The following CACNA1I variants were observed in gnomAD, a reference collection of about 807,000 sequenced individuals.
CACNA1I encodes the protein calcium voltage-gated channel subunit alpha1 I.
A neutral mutation model predicts 201.6 loss-of-function variants in CACNA1I; 74 were observed. That is an observed-to-expected ratio of 0.37 (90% CI 0.30 to 0.45). CACNA1I has a LOEUF of 0.45. Ranked by LOEUF, CACNA1I falls within the 20% of genes least tolerant of loss-of-function variation. The pLI, the probability that CACNA1I is intolerant of heterozygous loss-of-function variation, is 1.00. For synonymous variants in CACNA1I, 1,431 were observed against 1,345.2 expected, an observed-to-expected ratio of 1.06 and a Z score of -1.40; for missense variants, 2,346 against 3,138.1, an observed-to-expected ratio of 0.75 and a Z score of 6.03.
In CACNA1I at chr22:39,677,479, G is replaced by T; in HGVS notation, c.4933+60G>T. ...TGCAGCAGGGCTGCAGGAGGAACTGGGGGGGCGGGGGAGGCCTGAGACCCC... is the reference window on the plus strand; with the variant it reads ...TGCAGCAGGGCTGCAGGAGGAACTGTGGGGGCGGGGGAGGCCTGAGACCCC... On this transcript the variant is annotated intron_variant, in intron 30 of 36. Transcript: ENST00000402142. This position sits in a 1 kb window ranked among gnomAD's most constrained non-coding sequence, Gnocchi z 4.8. 1 of 1,220,382 alleles carries T rather than the reference G, an allele frequency of 8.2e-7. No homozygotes were observed. The highest frequency in any genetic ancestry group is 1.1e-6 in the Non-Finnish European group (1 of 889,102). The allele number at this position is 1,220,382 out of a possible 1,614,324, so 75.6% of individuals were successfully genotyped here. A position where few individuals can be genotyped will look rare whatever the true frequency, so the allele number is the denominator to read the frequency against.
intron 4 of CACNA1I, among the ~76,000 whole-genome samples, chr22:39,628,797 C>T (rs1385143004): frequency 6.6e-6 from 1 of 152,184 alleles, no homozygotes; most frequent in Non-Finnish European, 1.5e-5. Flanking sequence ...GGGAGAGTGG[C>T]CCCCAGTGGC....
chr22:39,613,565 C>T (rs148854139), intron 3 of CACNA1I, among the ~76,000 whole-genome samples: 24 of 152,336 alleles, frequency 1.6e-4, no homozygotes, highest in African/African-American at 5.5e-4. Flanking sequence ...CAGTGACTTG[C>T]CCAAAGTCAC....
At position 39,679,273 on chromosome 22, in the gene CACNA1I, A is replaced by G. The variant is rs1376380245; in HGVS notation, c.5222A>G (p.Gln1741Arg). 2.5e-6 allele frequency: 4 copies of G among 1,581,102 alleles called. No homozygotes were observed. The highest frequency in any genetic ancestry group is 2.7e-5 in the African/African-American group (2 of 74,212). Reference protein sequence around the residue: ...KHLDDSNKEAQEDAEMDAELE... With the variant: ...KHLDDSNKEAREDAEMDAELE... ...CTGGACGACAGCAACAAGGAGGCGCAGGAGGACGCCGAGATGGATGCCGAG... is the reference window on the plus strand; with the variant it reads ...CTGGACGACAGCAACAAGGAGGCGCGGGAGGACGCCGAGATGGATGCCGAG... The change falls in exon 32 of 37, where the codon CAG (glutamine) becomes CGG (arginine). Residue 1741 changes from glutamine to arginine, a missense_variant. By Grantham distance (43) the Gln-to-Arg change is conservative. Transcript: ENST00000402142.
At position 39,659,233 on chromosome 22, in the gene CACNA1I, G is replaced by T; in HGVS notation, c.2330+117G>T. ...AAAGCCACCTGGACCTGGGTGTGAAGCCTGACACTGTTCCTCAGTCCCCTG... is the reference window on the plus strand; with the variant it reads ...AAAGCCACCTGGACCTGGGTGTGAATCCTGACACTGTTCCTCAGTCCCCTG... On this transcript the variant is annotated intron_variant, in intron 12 of 36. Coordinates refer to ENST00000402142, the MANE Select transcript of CACNA1I (RefSeq NM_021096.4). This position sits in a 1 kb window ranked among gnomAD's most constrained non-coding sequence, Gnocchi z 4.3. 2 of 1,270,332 alleles carry T rather than the reference G, an allele frequency of 1.6e-6. No homozygotes were observed. Among genetic ancestry groups the T allele is most frequent in the Admixed American group, 2.0e-5 (1 of 49,800 alleles). 78.7% of individuals were successfully genotyped at this position (1,270,332 alleles called of 1,614,324 possible). A position where few individuals can be genotyped will look rare whatever the true frequency, so the allele number is the denominator to read the frequency against.
intron 24 of CACNA1I, among the ~76,000 whole-genome samples, 183 bp from the exon 25 acceptor site, chr22:39,669,855 C>T (rs145743554): frequency 8.1e-4 from 124 of 152,298 alleles, no homozygotes; most frequent in African/African-American, 2.7e-3. Context: ...TGGCTGAGGA[C>T]GATATTGTGC....
At chr22:39,652,025 G>A (rs112648906) in intron 10 of CACNA1I, among the ~76,000 whole-genome samples, 59 of 141,640 alleles carry the variant, frequency 4.2e-4, no homozygotes, top group Admixed American at 3.8e-4. Flanking sequence ...TTCCAACCTC[G>A]GATCTGGTGG....
Position 39,684,272 on chromosome 22 carries a change from C to T in CACNA1I, c.5831-30C>T. 1 of 1,606,838 alleles carries T rather than the reference C, an allele frequency of 6.2e-7. No homozygotes were observed. The highest frequency in any genetic ancestry group is 8.5e-7 in the Non-Finnish European group (1 of 1,175,234). ...GCTGCCCCCTGGCCTGAGCGTGCTC[C>T]CTCAGCTCTGTCTTCTCCTTTCCCA... On this transcript the variant is annotated intron_variant, in intron 35 of 36. Transcript: ENST00000402142. This position sits in a 1 kb window ranked among gnomAD's most constrained non-coding sequence, Gnocchi z 4.6.
rs1326854298 is a variant in CACNA1I at position 39,687,496 on chromosome 22, GC to G, written c.*1096del. Reference sequence around the variant, plus strand: ...TGCTGTCCCCGTCCTGAGCAACTATGCCCCCGCCCCAGTAGGTTCAAGGCAA... The same window carrying G: ...TGCTGTCCCCGTCCTGAGCAACTATGCCCCGCCCCAGTAGGTTCAAGGCAA... On this transcript the variant is annotated 3_prime_UTR_variant, in exon 37 of 37. Transcript: ENST00000402142. The G allele has an allele frequency of 6.6e-6, 1 of 152,366 alleles. No individual in the cohort carries two copies. The highest frequency in any genetic ancestry group is 2.1e-4 in the South Asian group (1 of 4,830). 9.4% of individuals were successfully genotyped at this position (152,366 alleles called of 1,614,324 possible). A position where few individuals can be genotyped will look rare whatever the true frequency, so the allele number is the denominator to read the frequency against.
chr22:39,664,695 G>T, intron 20 of CACNA1I, 44 bp from the exon 21 acceptor site: 1 of 245,280 alleles, frequency 4.1e-6, no homozygotes. Flanking sequence ...CCACCTGCCC[G>T]CCCCTCCCGC....
intron 26 of CACNA1I, 113 bp downstream of exon 26, chr22:39,671,067 C>A: frequency 1.1e-6 from 1 of 949,518 alleles, no homozygotes; most frequent in East Asian, 2.5e-5. Context: ...AGGATGTGAG[C>A]AGCCCCTCCA....
At chr22:39,610,413 A>T (rs186978167) in intron 3 of CACNA1I, among the ~76,000 whole-genome samples, 103 of 152,252 alleles carry the variant, frequency 6.8e-4, no homozygotes, top group African/African-American at 2.4e-3. Context: ...TAGGAACCTT[A>T]GTGTGTTTTT....
At chr22:39,577,529 G>A (rs991010876) in intron 1 of CACNA1I, among the ~76,000 whole-genome samples, 3 of 152,248 alleles carry the variant, frequency 2.0e-5, no homozygotes, top group Admixed American at 6.5e-5. Context: ...GGGATGGCTC[G>A]TGTTCATCCA....
chr22:39,655,988 C>A (rs933803593), intron 10 of CACNA1I, among the ~76,000 whole-genome samples: 1 of 152,172 alleles, frequency 6.6e-6, no homozygotes, highest in Non-Finnish European at 1.5e-5. Context: ...CTTTCATCTC[C>A]GCGGACATCG....
chr22:39,615,264 G>C (rs999693723), intron 3 of CACNA1I, among the ~76,000 whole-genome samples: 2 of 152,168 alleles, frequency 1.3e-5, no homozygotes, highest in Non-Finnish European at 2.9e-5. Context: ...CGGGGGAGAT[G>C]GACGGAGGCC....
In CACNA1I at chr22:39,665,014, GC is replaced by G. The variant is rs551397426; in HGVS notation, c.3851+94del. ...ATTGGGCCCTCACTCCGCCCTCCCCGCCCGCCCACTCGGTCCTCCAATAGTG... is the reference window on the plus strand; with the variant it reads ...ATTGGGCCCTCACTCCGCCCTCCCCGCCGCCCACTCGGTCCTCCAATAGTG... On this transcript the variant is annotated intron_variant, in intron 21 of 36. Transcript: ENST00000402142. This position sits in a 1 kb window ranked among gnomAD's most constrained non-coding sequence, Gnocchi z 5.5. 2 of 1,134,094 alleles carry G rather than the reference GC, an allele frequency of 1.8e-6. No individual in the cohort carries two copies. The highest frequency in any genetic ancestry group is 2.5e-6 in the Non-Finnish European group (2 of 803,080). The allele number at this position is 1,134,094 out of a possible 1,614,324, so 70.3% of individuals were successfully genotyped here. A position where few individuals can be genotyped will look rare whatever the true frequency, so the allele number is the denominator to read the frequency against.
chr22:39,685,774 A>G lies in CACNA1I; in HGVS notation c.6041A>G (p.Asp2014Gly). ...CTLLRQATGS[D>G]TSLDASPSSS... Reference sequence around the variant, plus strand: ...ACCTCCCCCCAGGCCACCGGGAGCGACACGTCGCTGGACGCCAGCCCCAGC... The same window carrying G: ...ACCTCCCCCCAGGCCACCGGGAGCGGCACGTCGCTGGACGCCAGCCCCAGC... Residue 2014 changes from aspartate (D) to glycine (G), a missense_variant, in exon 37 of 37, where the codon GAC becomes GGC. Physicochemically the swap from Asp to Gly is moderately conservative, Grantham distance 94. Around this residue, in one of 13 missense-constraint regions of CACNA1I, gnomAD observed 441 missense variants for 555.6 expected, o/e 0.79. Coordinates refer to ENST00000402142, the MANE Select transcript of CACNA1I (RefSeq NM_021096.4). This position sits in a 1 kb window ranked among gnomAD's most constrained non-coding sequence, Gnocchi z 5.0. 6.7e-7 allele frequency: 1 copy of G among 1,491,182 alleles called. No individual in the cohort carries two copies. The highest frequency in any genetic ancestry group is 1.3e-5 in the South Asian group (1 of 79,872). The allele number at this position is 1,491,182 out of a possible 1,614,324, so 92.4% of individuals were successfully genotyped here. A position where few individuals can be genotyped will look rare whatever the true frequency, so the allele number is the denominator to read the frequency against.
At chr22:39,598,108 C>G (rs765162974) in intron 1 of CACNA1I, 43 bp from the exon 2 acceptor site, 1 of 1,281,014 alleles carries the variant, frequency 7.8e-7, no homozygotes, top group Admixed American at 1.9e-5. Flanking sequence ...CCAGCCCCCA[C>G]GGGCGATCCC....
rs1341990282 is a variant in CACNA1I at position 39,659,955 on chromosome 22, G to A, written c.2604+103G>A. On this transcript the variant is annotated intron_variant, in intron 14 of 36. Transcript: ENST00000402142. This position sits in a 1 kb window ranked among gnomAD's most constrained non-coding sequence, Gnocchi z 4.3. ...GGGAGGGCTGCAATTCAAACTTCTAGCAGGCAACCTATCCCTAAAGGAGGG... is the reference window on the plus strand; with the variant it reads ...GGGAGGGCTGCAATTCAAACTTCTAACAGGCAACCTATCCCTAAAGGAGGG... 6.1e-6 allele frequency: 8 copies of A among 1,311,236 alleles called. No individual in the cohort carries two copies. Among genetic ancestry groups the A allele is most frequent in the Non-Finnish European group, 8.7e-6 (8 of 924,130 alleles). 81.2% of individuals were successfully genotyped at this position (1,311,236 alleles called of 1,614,324 possible).
intron 3 of CACNA1I, among the ~76,000 whole-genome samples, chr22:39,604,153 C>A: frequency 6.6e-6 from 1 of 152,282 alleles, no homozygotes; most frequent in African/African-American, 2.4e-5. Context: ...GTTCTGCTGG[C>A]TCCACAGACT....
Sources: gnomAD v4.1 joint callset for allele counts (sites outside exome capture counted in the v4.1 genomes callset) on GRCh38, gnomAD v4.1.1 for gene constraint, gnomAD v4.1.1 regional missense constraint, Gnocchi (gnomAD v3.1) non-coding constraint, MANE v1.5 for transcripts, NCBI Gene and HGNC (gene_info 2026-07-23, HGNC 2026-07-21) for gene names.